SUPT20H: variants seen among roughly 807,000 people sequenced by gnomAD.
The protein encoded by SUPT20H is transcription factor SPT20 homolog.
A neutral mutation model predicts 122.8 loss-of-function variants in SUPT20H; 82 were observed. The observed-to-expected ratio is 0.67, with a 90% CI of 0.56 to 0.80. SUPT20H has a LOEUF of 0.80. SUPT20H is among the 30% of genes least tolerant of loss of function. SUPT20H has a pLI of 0.00. For synonymous variants in SUPT20H, 291 were observed against 313.0 expected, an observed-to-expected ratio of 0.93 and a Z score of 0.74; for missense variants, 831 against 921.6, an observed-to-expected ratio of 0.90 and a Z score of 1.27.
intron 25 of SUPT20H, among the ~76,000 whole-genome samples, chr13:37,010,295 G>A (rs1309176161): frequency 1.3e-5 from 2 of 152,132 alleles, no homozygotes; most frequent in African/African-American, 4.8e-5. Context: ...AAAATATACT[G>A]CATACTAGAA....
intron 14 of SUPT20H, 40 bp downstream of exon 14, chr13:37,028,108 A>ATT: frequency 3.6e-5 from 42 of 1,166,804 alleles, no homozygotes; most frequent in South Asian, 1.7e-4. Context: ...TTGGTGCCTT[A>ATT]TTTTTTTTTT....
rs766241731 is a variant in SUPT20H at position 37,051,497 on chromosome 13, A to C, written c.-7T>G. The C allele has an allele frequency of 7.4e-6, 12 of 1,611,668 alleles. No individual in the cohort carries two copies. In the East Asian group the frequency reaches 2.2e-4, roughly 30 times the overall value. Reference sequence around the variant, plus strand: ...CTGAGCTGAAGCTTACCATTATGGCATAAAATAAGGGTCCAAAAGAAGAGA... The same window carrying C: ...CTGAGCTGAAGCTTACCATTATGGCCTAAAATAAGGGTCCAAAAGAAGAGA... On this transcript the variant is annotated 5_prime_UTR_variant, in exon 2 of 26. An upstream start codon of the reference 5' UTR is lost. Coordinates refer to ENST00000350612, the MANE Select transcript of SUPT20H (RefSeq NM_001014286.3).
At chr13:37,038,976 T>C (rs1410290882) in intron 9 of SUPT20H, 1 of 152,198 alleles carries the variant, frequency 6.6e-6, no homozygotes, top group Non-Finnish European at 1.5e-5. Context: ...ATGAGAAGAA[T>C]GCCTCAAAGA....
At chr13:37,009,900 A>T in intron 25 of SUPT20H, 91 bp from the exon 26 acceptor site, 3 of 1,507,130 alleles carry the variant, frequency 2.0e-6, no homozygotes, top group Non-Finnish European at 2.7e-6. Context: ...ACACAACTGA[A>T]AAAGGGAGAA....
At chr13:37,059,144 T>C (rs769540786) in intron 1 of SUPT20H, 1 of 152,256 alleles carries the variant, frequency 6.6e-6, no homozygotes, top group African/African-American at 2.4e-5. Flanking sequence ...ATTTCCCTGA[T>C]CGACCAGAGT....
rs36064810 is a variant in SUPT20H, at chr13:37,019,289, G to GA, written c.1872+52dup. The GA allele has an allele frequency of 6.4e-6, 9 of 1,399,220 alleles. No homozygotes were observed. The East Asian group carries it at 1.2e-4, about 18-fold the overall frequency. 86.7% of individuals were successfully genotyped at this position (1,399,220 alleles called of 1,614,324 possible). ...GATACATATAGATATACATTGTTTA[G>GA]AAAAAAAGTCAATGTACAAAAAATT... On this transcript the variant is annotated intron_variant, in intron 22 of 25. Coordinates refer to ENST00000350612, the MANE Select transcript of SUPT20H (RefSeq NM_001014286.3).
intron 1 of SUPT20H, among the ~76,000 whole-genome samples, chr13:37,053,470 C>G (rs558682400): frequency 6.6e-6 from 1 of 150,954 alleles, no homozygotes; most frequent in Non-Finnish European, 1.5e-5. Flanking sequence ...GGGAGCTGAA[C>G]AGTGAGACCA....
At chr13:37,010,327 C>T (rs1479211763) in intron 25 of SUPT20H, among the ~76,000 whole-genome samples, 4 of 152,104 alleles carry the variant, frequency 2.6e-5, no homozygotes, top group Non-Finnish European at 4.4e-5. Flanking sequence ...AATGTGCCAC[C>T]AGCACTTCAT....
chr13:37,041,893 T>C (rs2138683455), intron 7 of SUPT20H, among the ~76,000 whole-genome samples: 1 of 152,320 alleles, frequency 6.6e-6, no homozygotes, highest in East Asian at 1.9e-4. Flanking sequence ...GAAGGGCTAA[T>C]CTGGATTGTA....
In SUPT20H at chr13:37,022,638, G is replaced by A. The variant is rs1033420686; in HGVS notation, c.1592-558C>T. The A allele has an allele frequency of 1.1e-5, 12 of 1,045,846 alleles. No homozygotes were observed. In the Admixed American group the frequency reaches 4.2e-4, roughly 37 times the overall value. The allele number at this position is 1,045,846 out of a possible 1,614,324, so 64.8% of individuals were successfully genotyped here. On this transcript the variant is annotated intron_variant, in intron 19 of 25. Coordinates refer to ENST00000350612, the MANE Select transcript of SUPT20H (RefSeq NM_001014286.3). The surrounding 1 kb of genome is among the most constrained non-coding windows in gnomAD (Gnocchi z 4.5). ...GCCTTTGGCCTAAAAAGTTCAAAAC[G>A]AATTCAAATTAATTTGTTATTTACG...
intron 9 of SUPT20H, 82 bp downstream of exon 9, chr13:37,040,323 G>C: frequency 8.4e-7 from 1 of 1,197,188 alleles, no homozygotes; most frequent in Non-Finnish European, 1.2e-6. Context: ...ATAAAAATAA[G>C]CAGAAAATCA....
chr13:37,017,915 C>A (rs769193880), intron 22 of SUPT20H, among the ~76,000 whole-genome samples: 6 of 152,018 alleles, frequency 3.9e-5, no homozygotes, highest in Non-Finnish European at 8.8e-5. Context: ...TGAATTTAAT[C>A]CAAATTAAAA....
chr13:37,014,873 A>C (rs2060171399), intron 23 of SUPT20H, among the ~76,000 whole-genome samples: 1 of 152,236 alleles, frequency 6.6e-6, no homozygotes, highest in African/African-American at 2.4e-5. Flanking sequence ...TGGAAAAATC[A>C]ATTCTGACAC....
intron 20 of SUPT20H, 94 bp downstream of exon 20, chr13:37,021,917 T>G: frequency 1.4e-6 from 2 of 1,380,428 alleles, no homozygotes; most frequent in Non-Finnish European, 9.8e-7. Flanking sequence ...CTGAGTAATA[T>G]GCGGTTTGTT....
chr13:37,050,110 A>G (rs2067340558), intron 2 of SUPT20H, among the ~76,000 whole-genome samples: 1 of 152,192 alleles, frequency 6.6e-6, no homozygotes, highest in Admixed American at 6.5e-5. Context: ...GCCTTCTTGC[A>G]CTGTTCAATA....
rs370906286 is a variant in SUPT20H, at chr13:37,045,373, T to G, written c.166A>C (p.Lys56Gln). The G allele has an allele frequency of 3.7e-6, 6 of 1,613,004 alleles. No homozygotes were observed. The African/African-American group carries it at 6.7e-5, about 18-fold the overall frequency. ...AACAAGTTCACATTTCTTCTTAATT[T>G]CTGCTTTAAAAAGAGGCAGAGCTCA... ...EECEKEPEVK[K>Q]LRRNVNLLEK... Residue 56 changes from lysine (K) to glutamine (Q), a missense_variant and splice_region_variant, in exon 6 of 26, where the codon AAA becomes CAA. Lys to Gln is a moderately conservative substitution (Grantham distance 53, BLOSUM62 1). Transcript: ENST00000350612.
chr13:37,020,804 T>A (rs1228432659), intron 21 of SUPT20H, among the ~76,000 whole-genome samples: 1 of 152,220 alleles, frequency 6.6e-6, no homozygotes, highest in Non-Finnish European at 1.5e-5. Context: ...ATACATTATT[T>A]TAAAGAGCAT....
At chr13:37,032,806 G>C (rs1360163859) in intron 10 of SUPT20H, among the ~76,000 whole-genome samples, 1 of 152,096 alleles carries the variant, frequency 6.6e-6, no homozygotes, top group Non-Finnish European at 1.5e-5. Flanking sequence ...TATTTGAAGG[G>C]ACATTTTTAA....
In SUPT20H at chr13:37,040,406, T is replaced by C; in HGVS notation, c.566A>G (p.Gln189Arg). The C allele has an allele frequency of 1.8e-5, 28 of 1,566,684 alleles. No individual in the cohort carries two copies. The highest frequency in any genetic ancestry group is 2.4e-5 in the Non-Finnish European group (28 of 1,165,412). Residue 189 changes from glutamine to arginine, a missense_variant and splice_region_variant, in exon 9 of 26, where the codon CAG becomes CGG. Transcript: ENST00000350612. ...SITSDNHKWT[Q>R]EDKLLLESQL... The stretch of plus-strand genomic sequence containing the variant: ...AGATTAAAAAACAAAACAACTAACC[T>C]GGGTCCATTTGTGGTTATCACTTGT...
Sources: allele counts gnomAD v4.1 joint callset (sites outside exome capture counted in the v4.1 genomes callset), GRCh38; gene constraint gnomAD v4.1.1; non-coding constraint Gnocchi (gnomAD v3.1); transcripts MANE v1.5; gene names NCBI Gene and HGNC (gene_info 2026-07-23, HGNC 2026-07-21).